The following RABGAP1 variants were observed in gnomAD, a reference collection of about 807,000 sequenced individuals.
The protein encoded by RABGAP1 is rab GTPase-activating protein 1.
RABGAP1 carries 23 observed loss-of-function variants against 137.6 expected under a neutral mutation model. The observed-to-expected ratio is 0.17, with a 90% CI of 0.12 to 0.24. The LOEUF (loss-of-function observed/expected upper bound fraction) is 0.24, where lower values mean the gene tolerates loss of function less well. Among genes scored for constraint, RABGAP1 ranks in the 10% least tolerant of loss-of-function variants. The pLI is 1.00. For synonymous variants in RABGAP1, 451 were observed against 450.7 expected (o/e 1.00, Z -0.01); for missense variants, 906 against 1,275.8 (o/e 0.71, Z 4.42).
At chr9:123,084,307 C>T (rs1190395868) in intron 19 of RABGAP1, among the ~76,000 whole-genome samples, 1 of 152,186 alleles carries the variant, frequency 6.6e-6, no homozygotes, top group Non-Finnish European at 1.5e-5. Context: ...GGAAGATAGA[C>T]TTGTGTCAGA....
chr9:123,001,239 A>T (rs1375705174), intron 10 of RABGAP1, among the ~76,000 whole-genome samples: 3 of 152,168 alleles, frequency 2.0e-5, no homozygotes, highest in African/African-American at 4.8e-5. Flanking sequence ...TGTATGTTAG[A>T]GTCCTCTACT....
At chr9:123,027,431 C>G (rs1399475496) in intron 13 of RABGAP1, among the ~76,000 whole-genome samples, 1 of 152,170 alleles carries the variant, frequency 6.6e-6, no homozygotes, top group Non-Finnish European at 1.5e-5. Flanking sequence ...ATTTACATTT[C>G]TAATTGTTGA....
At chr9:122,942,537 G>T (rs1833641932) in intron 1 of RABGAP1, among the ~76,000 whole-genome samples, 1 of 151,956 alleles carries the variant, frequency 6.6e-6, no homozygotes, top group Admixed American at 6.6e-5. Flanking sequence ...GGGCGTAGTG[G>T]CAGGCGCCTG....
At chr9:122,944,543 T>C (rs1309886624) in intron 1 of RABGAP1, among the ~76,000 whole-genome samples, 1 of 151,216 alleles carries the variant, frequency 6.6e-6, no homozygotes, top group Admixed American at 6.6e-5. Flanking sequence ...TTTTCTTCTT[T>C]TGAAACGGAG....
intron 13 of RABGAP1, among the ~76,000 whole-genome samples, chr9:123,047,705 A>G (rs2033267233): frequency 6.6e-6 from 1 of 152,060 alleles, no homozygotes; most frequent in African/African-American, 2.4e-5. Context: ...CTTTATAAAA[A>G]TTCAAAATTA....
intron 4 of RABGAP1, among the ~76,000 whole-genome samples, chr9:122,986,806 C>T (rs1836394217): frequency 6.6e-6 from 1 of 152,068 alleles, no homozygotes; most frequent in Non-Finnish European, 1.5e-5. Flanking sequence ...TAAATATTAA[C>T]TATACCAGCA....
intron 2 of RABGAP1, among the ~76,000 whole-genome samples, chr9:122,980,721 T>C (rs1359816186): frequency 6.6e-6 from 1 of 152,242 alleles, no homozygotes. Flanking sequence ...TTAGTCGTTT[T>C]ATCATGATGA....
At chr9:123,019,686 TTTTGTTTG>T (rs34983095) in intron 12 of RABGAP1, among the ~76,000 whole-genome samples, 1 of 150,010 alleles carries the variant, frequency 6.7e-6, no homozygotes, top group Non-Finnish European at 1.5e-5. Context: ...TTTGCTCTTT[TTTTGTTTG>T]TTTGTTTGTT....
chr9:123,020,455 C>A lies in RABGAP1; in HGVS notation c.1790C>A (p.Thr597Lys), dbSNP rs779271835. 35 of 1,592,276 alleles carry A rather than the reference C, an allele frequency of 2.2e-5. No homozygotes were observed. In the Admixed American group the frequency reaches 4.7e-4, roughly 21 times the overall value. Reference sequence around the variant, plus strand: ...GTAGAGAAATACCGCATTCTTATCACAAAGGTAAGGGGGTGATAATTCAGC... The same window carrying A: ...GTAGAGAAATACCGCATTCTTATCAAAAAGGTAAGGGGGTGATAATTCAGC... ...HLVEKYRILITKESPQDSAIT... is the reference protein window; with the variant it reads ...HLVEKYRILIKKESPQDSAIT... Residue 597 changes from threonine (T) to lysine (K), a missense_variant, in exon 13 of 26, where the codon ACA (threonine) becomes AAA (lysine). Physicochemically the swap from Thr to Lys is moderately conservative, Grantham distance 78. This residue lies in a region of RABGAP1 where 212 missense variants were observed against 289.4 expected (regional missense o/e 0.73). Coordinates refer to ENST00000373647, the MANE Select transcript of RABGAP1 (RefSeq NM_012197.4).
chr9:123,045,463 TTAACA>T (rs778265744), intron 13 of RABGAP1, among the ~76,000 whole-genome samples: 34 of 152,212 alleles, frequency 2.2e-4, no homozygotes, highest in Non-Finnish European at 3.5e-4. Context: ...TTAAGTTTTG[TTAACA>T]TTATATATCA....
At chr9:123,073,108 G>T (rs2034407717) in intron 15 of RABGAP1, among the ~76,000 whole-genome samples, 1 of 152,160 alleles carries the variant, frequency 6.6e-6, no homozygotes, top group South Asian at 2.1e-4. Flanking sequence ...TGAAATAGCA[G>T]CTAAGGGAGG....
At chr9:123,010,238 C>A in intron 10 of RABGAP1, 116 bp from the exon 11 acceptor site, 1 of 880,984 alleles carries the variant, frequency 1.1e-6, no homozygotes, top group Non-Finnish European at 1.7e-6. Context: ...TGTATGAAAT[C>A]AGAAGTGATT....
intron 2 of RABGAP1, among the ~76,000 whole-genome samples, chr9:122,980,451 G>C (rs1835985430): frequency 1.3e-5 from 2 of 152,294 alleles, no homozygotes; most frequent in East Asian, 3.9e-4. Context: ...CATTGTAATA[G>C]TACATCCACC....
chr9:122,972,861 C>A (rs954592475), intron 2 of RABGAP1, among the ~76,000 whole-genome samples: 1 of 151,518 alleles, frequency 6.6e-6, no homozygotes, highest in Non-Finnish European at 1.5e-5. Context: ...TATGGCCGGG[C>A]GTGATGGCTC....
chr9:122,944,400 T>G (rs1309973407), intron 1 of RABGAP1, among the ~76,000 whole-genome samples: 1 of 152,152 alleles, frequency 6.6e-6, no homozygotes, highest in Non-Finnish European at 1.5e-5. Flanking sequence ...CAGTGAATTT[T>G]GCTATTGTTT....
intron 6 of RABGAP1, chr9:122,990,796 A>AATATATATATATATAT (rs1188480184): frequency 1.4e-4 from 4 of 27,738 alleles, no homozygotes; most frequent in Admixed American, 7.0e-4. Flanking sequence ...AAAAAAAAAA[A>AATATATATATATATAT]ATATATATAT....
chr9:122,988,463 T>A (rs1299200694), intron 4 of RABGAP1, among the ~76,000 whole-genome samples: 1 of 151,998 alleles, frequency 6.6e-6, no homozygotes, highest in Non-Finnish European at 1.5e-5. Flanking sequence ...TCCCTTTGAT[T>A]TTTTACTGAA....
chr9:123,001,526 T>A (rs543702131), intron 10 of RABGAP1, among the ~76,000 whole-genome samples: 62 of 152,310 alleles, frequency 4.1e-4, no homozygotes, highest in African/African-American at 1.3e-3. Context: ...GGACACTTAT[T>A]TTCAGTGTTG....
intron 12 of RABGAP1, among the ~76,000 whole-genome samples, 158 bp downstream of exon 12, chr9:123,015,794 A>C (rs2031181319): frequency 1.3e-5 from 2 of 152,250 alleles, no homozygotes; most frequent in South Asian, 4.1e-4. Context: ...GTAAAAGTAG[A>C]GAATTGAAAT....
Sources: gnomAD v4.1 joint callset for allele counts (sites outside exome capture counted in the v4.1 genomes callset) on GRCh38, gnomAD v4.1.1 for gene constraint, gnomAD v4.1.1 regional missense constraint, MANE v1.5 for transcripts, NCBI Gene and HGNC (gene_info 2026-07-23, HGNC 2026-07-21) for gene names.